Variants in CTNND2 observed in about 807,000 individuals in gnomAD.
CTNND2 encodes catenin delta-2.
CTNND2 carries 22 observed loss-of-function variants against 144.4 expected under a neutral mutation model. That is an observed-to-expected ratio of 0.15 (90% CI 0.11 to 0.22). The LOEUF (loss-of-function observed/expected upper bound fraction) is 0.22, where lower values mean the gene tolerates loss of function less well. Ranked by LOEUF, CTNND2 falls within the 10% of genes least tolerant of loss-of-function variation. The pLI is 1.00. For missense variants in CTNND2, 1,353 were observed against 1,618.8 expected (o/e 0.84, Z 2.82); for synonymous variants, 751 against 695.6 (o/e 1.08, Z -1.25).
At chr5:11,111,308 C>T (rs1752948431) in intron 13 of CTNND2, among the ~76,000 whole-genome samples, 1 of 152,200 alleles carries the variant, frequency 6.6e-6, no homozygotes, top group Non-Finnish European at 1.5e-5. Context: ...GATTGAAATT[C>T]ACTTGTGAGA....
At chr5:11,818,015 C>A (rs1328398640) in intron 1 of CTNND2, among the ~76,000 whole-genome samples, 1 of 134,160 alleles carries the variant, frequency 7.5e-6, no homozygotes. Flanking sequence ...CAGTTCTCCT[C>A]CATCCAATAT....
At chr5:11,873,543 C>T (rs1197118824) in intron 1 of CTNND2, among the ~76,000 whole-genome samples, 1 of 152,184 alleles carries the variant, frequency 6.6e-6, no homozygotes, top group African/African-American at 2.4e-5. Context: ...GAGTTTACCA[C>T]TTTATCATAA....
At chr5:11,638,954 G>A (rs1055689565) in intron 2 of CTNND2, among the ~76,000 whole-genome samples, 2 of 152,116 alleles carry the variant, frequency 1.3e-5, no homozygotes, top group Admixed American at 1.3e-4. Context: ...ACAATTTAAA[G>A]AATTCCGGTT....
chr5:11,603,779 C>T (rs978171128), intron 2 of CTNND2, among the ~76,000 whole-genome samples: 4 of 152,014 alleles, frequency 2.6e-5, no homozygotes, highest in African/African-American at 9.7e-5. Flanking sequence ...TATTAAATAC[C>T]TATTTTGTTC....
chr5:11,040,573 A>C (rs1744598669), intron 16 of CTNND2, among the ~76,000 whole-genome samples: 1 of 152,218 alleles, frequency 6.6e-6, no homozygotes, highest in African/African-American at 2.4e-5. Context: ...AAGTGTGAAG[A>C]ACTAAGAAAA....
chr5:11,151,199 A>T (rs768124586), intron 12 of CTNND2, among the ~76,000 whole-genome samples: 12 of 152,340 alleles, frequency 7.9e-5, no homozygotes, highest in Admixed American at 1.3e-4. Context: ...AGTGCTGGAG[A>T]GGCTGGGTAC....
chr5:11,289,388 C>T (rs77755688), intron 9 of CTNND2, among the ~76,000 whole-genome samples: 1,973 of 152,284 alleles, frequency 0.013, 47 homozygotes, highest in African/African-American at 0.045. Flanking sequence ...ACATTCTATG[C>T]TTTTTAACTA....
intron 1 of CTNND2, among the ~76,000 whole-genome samples, chr5:11,805,402 T>C (rs1791937326): frequency 6.6e-6 from 1 of 152,144 alleles, no homozygotes; most frequent in South Asian, 2.1e-4. Context: ...TGGTTTTTAA[T>C]AGTATTCTTC....
chr5:11,130,266 C>G (rs563899553), intron 12 of CTNND2, among the ~76,000 whole-genome samples: 207 of 152,172 alleles, frequency 1.4e-3, no homozygotes, highest in African/African-American at 4.5e-3. Flanking sequence ...CACACCCCCC[C>G]CATCCACCCA....
At chr5:11,504,497 T>C (rs549726068) in intron 3 of CTNND2, among the ~76,000 whole-genome samples, 1 of 152,308 alleles carries the variant, frequency 6.6e-6, no homozygotes, top group East Asian at 1.9e-4. Context: ...GAGGCATGGC[T>C]GGCTTCCAGT....
chr5:11,376,162 G>A (rs917187790), intron 7 of CTNND2, among the ~76,000 whole-genome samples: 2 of 152,122 alleles, frequency 1.3e-5, no homozygotes, highest in Non-Finnish European at 2.9e-5. Context: ...AGAACTAGGA[G>A]AAATAAATCT....
intron 1 of CTNND2, among the ~76,000 whole-genome samples, chr5:11,810,429 G>C (rs1792262037): frequency 6.6e-6 from 1 of 151,976 alleles, no homozygotes; most frequent in Non-Finnish European, 1.5e-5. Context: ...AAAGCAATTT[G>C]ATAAATTATA....
At chr5:11,201,385 C>G (rs188424292) in intron 10 of CTNND2, among the ~76,000 whole-genome samples, 315 of 147,672 alleles carry the variant, frequency 2.1e-3, no homozygotes, top group Non-Finnish European at 3.6e-3. Context: ...TTAAAGACAA[C>G]AAACAAACAA....
intron 21 of CTNND2, among the ~76,000 whole-genome samples, chr5:10,974,655 A>G (rs1736228294): frequency 6.6e-6 from 1 of 152,208 alleles, no homozygotes; most frequent in Non-Finnish European, 1.5e-5. Flanking sequence ...GCTAATGTGC[A>G]GTAATTGGGG....
chr5:11,128,883 C>A (rs28360876), intron 12 of CTNND2, among the ~76,000 whole-genome samples: 14 of 47,576 alleles, frequency 2.9e-4, no homozygotes, highest in Admixed American at 8.3e-4. Context: ...ATATATAATA[C>A]ATAAATATAT....
At chr5:11,254,270 T>C (rs1239929712) in intron 9 of CTNND2, among the ~76,000 whole-genome samples, 1 of 152,170 alleles carries the variant, frequency 6.6e-6, no homozygotes, top group Non-Finnish European at 1.5e-5. Context: ...GAAGCTCCCA[T>C]CACTTCAAGT....
At chr5:11,608,552 C>A (rs1780172619) in intron 2 of CTNND2, among the ~76,000 whole-genome samples, 1 of 152,108 alleles carries the variant, frequency 6.6e-6, no homozygotes, top group Non-Finnish European at 1.5e-5. Flanking sequence ...TTCCCCCTAC[C>A]CCACACAAAT....
intron 3 of CTNND2, among the ~76,000 whole-genome samples, chr5:11,529,571 TA>T (rs1319152578): frequency 6.6e-6 from 1 of 152,228 alleles, no homozygotes; most frequent in Non-Finnish European, 1.5e-5. Context: ...GATAATCAAA[TA>T]AAGCTTAGTT....
At chr5:10,979,239 A>T (rs1736912752) in intron 21 of CTNND2, among the ~76,000 whole-genome samples, 1 of 152,244 alleles carries the variant, frequency 6.6e-6, no homozygotes, top group Admixed American at 6.5e-5. Flanking sequence ...GATTTCCATA[A>T]ATGAAGTTGG....
Sources: gnomAD v4.1 joint callset for allele counts (sites outside exome capture counted in the v4.1 genomes callset) on GRCh38, gnomAD v4.1.1 for gene constraint, MANE v1.5 for transcripts, NCBI Gene and HGNC (gene_info 2026-07-23, HGNC 2026-07-21) for gene names.